LRRC36: variants seen among roughly 807,000 people sequenced by gnomAD.
LRRC36 encodes the protein leucine-rich repeat-containing protein 36.
A neutral mutation model predicts 81.1 loss-of-function variants in LRRC36; 62 were observed. The observed-to-expected ratio is 0.76, with a 90% CI of 0.62 to 0.94. LRRC36 has a LOEUF of 0.94. Among genes scored for constraint, LRRC36 ranks in the 40% least tolerant of loss-of-function variants. The probability of loss-of-function intolerance (pLI) is 0.00; values close to 1 mark genes in which losing one functional copy is unlikely to be tolerated. For missense variants in LRRC36, 761 were observed against 881.7 expected (o/e 0.86, Z 1.73); for synonymous variants, 334 against 348.6 (o/e 0.96, Z 0.47).
chr16:67,382,243 CAG>C lies in LRRC36; in HGVS notation c.2044_2045del (p.Arg682IlefsTer6). 1 of 1,612,078 alleles carries C rather than the reference CAG, an allele frequency of 6.2e-7. No individual in the cohort carries two copies. The highest frequency in any genetic ancestry group is 1.1e-5 in the South Asian group (1 of 90,960). On this transcript the variant is annotated frameshift_variant and splice_region_variant, in exon 13 of 14. Coordinates refer to ENST00000329956, the MANE Select transcript of LRRC36 (RefSeq NM_018296.6). LOFTEE classifies it high-confidence loss of function. The stretch of plus-strand genomic sequence containing the variant: ...GACAGTTGCCATTCTCCATGAAAGT[CAG>C]AGGTAGGAGAGGGTCTATCTAGCTT... ...EKTVAILHES[Q>X]RSLVVTNEYL...
At chr16:67,361,001 T>G (rs2039118670) in intron 5 of LRRC36, among the ~76,000 whole-genome samples, 2 of 152,036 alleles carry the variant, frequency 1.3e-5, no homozygotes, top group Non-Finnish European at 1.5e-5. Flanking sequence ...TGATCAAGAG[T>G]GGAAAAACGT....
intron 11 of LRRC36, among the ~76,000 whole-genome samples, chr16:67,377,986 G>T (rs753027385): frequency 1.2e-4 from 18 of 152,150 alleles, no homozygotes; most frequent in Non-Finnish European, 2.4e-4. Context: ...TTCAGTTCTA[G>T]AAACTTTAGA....
intron 5 of LRRC36, among the ~76,000 whole-genome samples, chr16:67,350,494 CA>C (rs1478309381): frequency 9.2e-5 from 14 of 152,304 alleles, no homozygotes; most frequent in Admixed American, 3.9e-4. Flanking sequence ...CATGAAAGCA[CA>C]AGCTGTACTT....
chr16:67,338,958 G>A (rs1370039144), intron 1 of LRRC36, among the ~76,000 whole-genome samples: 4 of 127,824 alleles, frequency 3.1e-5, no homozygotes, highest in South Asian at 5.0e-4. Flanking sequence ...GCAGTGATGC[G>A]ATCTTGGCTC....
At chr16:67,377,038 A>T (rs977999855) in intron 11 of LRRC36, among the ~76,000 whole-genome samples, 166 bp downstream of exon 11, 4 of 152,228 alleles carry the variant, frequency 2.6e-5, no homozygotes, top group Non-Finnish European at 5.9e-5. Flanking sequence ...GAAGTTCTGC[A>T]GGGATGACTC....
At chr16:67,383,889 A>G (rs981628453) in intron 13 of LRRC36, among the ~76,000 whole-genome samples, 6 of 152,218 alleles carry the variant, frequency 3.9e-5, no homozygotes, top group African/African-American at 1.4e-4. Context: ...CCTAATTATT[A>G]CATAAGAAGA....
At chr16:67,379,944 C>T (rs558809180) in intron 12 of LRRC36, among the ~76,000 whole-genome samples, 70 of 151,928 alleles carry the variant, frequency 4.6e-4, no homozygotes, top group African/African-American at 1.5e-3. Context: ...AAGAATATAC[C>T]ATATTTATCT....
intron 5 of LRRC36, among the ~76,000 whole-genome samples, chr16:67,352,575 C>T (rs998369476): frequency 1.3e-5 from 2 of 152,056 alleles, no homozygotes; most frequent in African/African-American, 2.4e-5. Flanking sequence ...TTGGGCTCTC[C>T]TGTTTTTTCT....
intron 4 of LRRC36, 45 bp from the exon 5 acceptor site, chr16:67,350,157 C>T (rs113952091): frequency 3.9e-5 from 44 of 1,135,564 alleles, no homozygotes; most frequent in African/African-American, 1.5e-4. Flanking sequence ...TCTCAGAAGC[C>T]TTTTTTTTTT....
At chr16:67,363,737 G>T in intron 6 of LRRC36, 23 bp downstream of exon 6, 1 of 1,611,094 alleles carries the variant, frequency 6.2e-7, no homozygotes, top group South Asian at 1.1e-5. Flanking sequence ...CTCTCCTGCT[G>T]ATCTGTTGAC....
intron 10 of LRRC36, among the ~76,000 whole-genome samples, chr16:67,375,792 G>A (rs1398565990): frequency 6.6e-6 from 1 of 152,126 alleles, no homozygotes; most frequent in Admixed American, 6.5e-5. Flanking sequence ...TCAGAGTTTT[G>A]AGATGACTGT....
At chr16:67,328,676 T>G (rs1391475753) in intron 1 of LRRC36, among the ~76,000 whole-genome samples, 1 of 152,158 alleles carries the variant, frequency 6.6e-6, no homozygotes, top group Non-Finnish European at 1.5e-5. Context: ...CATTTATCAC[T>G]TATTTTATAA....
chr16:67,362,950 T>C (rs1183903436), intron 5 of LRRC36, among the ~76,000 whole-genome samples: 1 of 152,070 alleles, frequency 6.6e-6, no homozygotes, highest in Non-Finnish European at 1.5e-5. Flanking sequence ...GCCCGGCTAA[T>C]TTTTGTATTT....
intron 7 of LRRC36, 138 bp downstream of exon 7, chr16:67,365,493 C>A: frequency 1.5e-6 from 1 of 660,756 alleles, no homozygotes; most frequent in Non-Finnish European, 2.6e-6. Context: ...GAGGGACTGT[C>A]CTGGATGATT....
At chr16:67,362,272 C>T (rs1238708482) in intron 5 of LRRC36, 1 of 439,850 alleles carries the variant, frequency 2.3e-6, no homozygotes, top group African/African-American at 2.0e-5. Context: ...AAGCAGTTCT[C>T]CTGCCTCAGC....
At chr16:67,370,885 G>A (rs1597490258) in intron 8 of LRRC36, 59 bp from the exon 9 acceptor site, 1 of 1,439,836 alleles carries the variant, frequency 6.9e-7, no homozygotes, top group Non-Finnish European at 9.6e-7. Flanking sequence ...GGTATGGATA[G>A]AAGTGAGACA....
chr16:67,328,220 T>C (rs1460226242), intron 1 of LRRC36, among the ~76,000 whole-genome samples: 1 of 152,032 alleles, frequency 6.6e-6, no homozygotes, highest in Non-Finnish European at 1.5e-5. Flanking sequence ...ATATAATAAT[T>C]GTACAGTGAG....
At chr16:67,335,826 G>A (rs1234754590) in intron 1 of LRRC36, among the ~76,000 whole-genome samples, 2 of 151,710 alleles carry the variant, frequency 1.3e-5, no homozygotes, top group South Asian at 2.1e-4. Context: ...TCCACCTCCC[G>A]GGTTCAAGCG....
intron 13 of LRRC36, 92 bp from the exon 14 acceptor site, chr16:67,384,777 AT>A: frequency 1.2e-6 from 1 of 828,932 alleles, no homozygotes; most frequent in South Asian, 1.6e-5. Context: ...ATGTGACTTC[AT>A]TTCACATTTG....
Sources: allele counts gnomAD v4.1 joint callset (sites outside exome capture counted in the v4.1 genomes callset), GRCh38; gene constraint gnomAD v4.1.1; transcripts MANE v1.5; gene names NCBI Gene and HGNC (gene_info 2026-07-23, HGNC 2026-07-21).